The following SGCZ variants were observed in gnomAD, a reference collection of about 807,000 sequenced individuals.
The protein encoded by SGCZ is sarcoglycan zeta, also known as zeta-sarcoglycan.
SGCZ carries 40 observed loss-of-function variants against 41.3 expected under a neutral mutation model. That is an observed-to-expected ratio of 0.97 (90% CI 0.75 to 1.26). The LOEUF is 1.26. Among genes scored for constraint, SGCZ ranks in the 50% most tolerant of loss-of-function variants. The pLI is 0.00. For synonymous variants in SGCZ, 206 were observed against 137.5 expected, an observed-to-expected ratio of 1.50 and a Z score of -3.49; for missense variants, 552 against 369.8, an observed-to-expected ratio of 1.49 and a Z score of -4.04.
chr8:14,195,168 A>G (rs934962943), intron 4 of SGCZ, among the ~76,000 whole-genome samples: 2 of 152,100 alleles, frequency 1.3e-5, no homozygotes, highest in Admixed American at 6.6e-5. Flanking sequence ...AAGTGTTCAA[A>G]CATGCATAAA....
intron 1 of SGCZ, among the ~76,000 whole-genome samples, chr8:15,095,933 T>C (rs1255121412): frequency 6.6e-6 from 1 of 152,182 alleles, no homozygotes; most frequent in African/African-American, 2.4e-5. Flanking sequence ...GCAGTTTACT[T>C]TGTCACCTAA....
At chr8:14,142,334 G>A (rs1803397090) in intron 5 of SGCZ, among the ~76,000 whole-genome samples, 1 of 151,918 alleles carries the variant, frequency 6.6e-6, no homozygotes, top group African/African-American at 2.4e-5. Flanking sequence ...TAAAAAAAAA[G>A]AAATATGAAA....
At chr8:15,065,099 C>G (rs1385041866) in intron 1 of SGCZ, among the ~76,000 whole-genome samples, 1 of 152,074 alleles carries the variant, frequency 6.6e-6, no homozygotes, top group Non-Finnish European at 1.5e-5. Context: ...GATAATTTCC[C>G]CTTGGTCTCA....
chr8:14,843,176 C>T (rs964037131), intron 1 of SGCZ, among the ~76,000 whole-genome samples: 4 of 152,066 alleles, frequency 2.6e-5, no homozygotes, highest in African/African-American at 9.7e-5. Context: ...TGCACCACTG[C>T]ACTCCAGCCT....
chr8:14,292,156 G>A (rs1435243089), intron 3 of SGCZ, among the ~76,000 whole-genome samples: 3 of 151,952 alleles, frequency 2.0e-5, no homozygotes, highest in Non-Finnish European at 4.4e-5. Context: ...AACTTATTAA[G>A]TACGAACTAG....
intron 3 of SGCZ, among the ~76,000 whole-genome samples, chr8:14,245,410 G>C (rs1203245589): frequency 6.6e-6 from 1 of 152,166 alleles, no homozygotes; most frequent in Non-Finnish European, 1.5e-5. Flanking sequence ...AGCTGAAACT[G>C]CATCCCTTCC....
At chr8:14,240,878 T>C (rs9657233) in intron 3 of SGCZ, among the ~76,000 whole-genome samples, 151,102 of 152,312 alleles carry the variant, frequency 0.99, 74,965 homozygotes, top group East Asian at 1. Context: ...TTAAAACACA[T>C]GTATGTGATA....
intron 2 of SGCZ, among the ~76,000 whole-genome samples, chr8:14,397,693 T>C (rs901659981): frequency 1.3e-5 from 2 of 152,128 alleles, no homozygotes; most frequent in Non-Finnish European, 2.9e-5. Flanking sequence ...TGATTCAATA[T>C]GAAGGGCAGG....
intron 2 of SGCZ, among the ~76,000 whole-genome samples, chr8:14,392,162 A>T (rs2117220233): frequency 6.6e-6 from 1 of 152,292 alleles, no homozygotes; most frequent in Non-Finnish European, 1.5e-5. Context: ...ATTATCAGTT[A>T]TTTTAATTCA....
intron 1 of SGCZ, among the ~76,000 whole-genome samples, chr8:15,168,464 C>G (rs938490524): frequency 2.6e-5 from 4 of 152,182 alleles, no homozygotes; most frequent in Non-Finnish European, 5.9e-5. Flanking sequence ...CTCTAGCTCC[C>G]CCCACAACCC....
chr8:14,936,471 A>G (rs1400242841), intron 1 of SGCZ, among the ~76,000 whole-genome samples: 1 of 151,912 alleles, frequency 6.6e-6, no homozygotes, highest in Non-Finnish European at 1.5e-5. Context: ...TTAAAAACAG[A>G]ATGGGTGTAT....
At chr8:15,155,852 G>C (rs1445271889) in intron 1 of SGCZ, among the ~76,000 whole-genome samples, 2 of 152,098 alleles carry the variant, frequency 1.3e-5, no homozygotes, top group African/African-American at 4.8e-5. Context: ...GAGCTCAGGA[G>C]CTCGAGATCA....
At chr8:14,624,918 A>G (rs530124604) in intron 1 of SGCZ, among the ~76,000 whole-genome samples, 3 of 152,262 alleles carry the variant, frequency 2.0e-5, no homozygotes, top group Admixed American at 2.0e-4. Context: ...GTGAGGGTAC[A>G]CAAAAGGTAT....
Position 14,139,720 on chromosome 8 carries a change from G to C in SGCZ, c.547+24860C>G, listed in dbSNP as rs890375231. Among the ~76,000 whole-genome samples, 2 of 152,068 alleles carry C rather than the reference G, an allele frequency of 1.3e-5. 1 individual carries two copies. Among genetic ancestry groups the C allele is most frequent in the South Asian group, 4.1e-4 (2 of 4,832 alleles). On this transcript the variant is annotated intron_variant, in intron 5 of 7. Coordinates refer to ENST00000382080, the MANE Select transcript of SGCZ (RefSeq NM_139167.4). Reference sequence around the variant, plus strand: ...AGCCTACCAACCAAAAAAAGTCCAGGACTTCATGGATTCACAGCCAAACAC... The same window carrying C: ...AGCCTACCAACCAAAAAAAGTCCAGCACTTCATGGATTCACAGCCAAACAC...
intron 7 of SGCZ, among the ~76,000 whole-genome samples, chr8:14,096,383 G>A (rs891737845): frequency 4.0e-5 from 6 of 151,748 alleles, no homozygotes; most frequent in Non-Finnish European, 5.9e-5. Flanking sequence ...CAAAAACCAC[G>A]GTTATGTGAT....
At chr8:14,363,305 G>C (rs538051526) in intron 2 of SGCZ, among the ~76,000 whole-genome samples, 3 of 152,096 alleles carry the variant, frequency 2.0e-5, no homozygotes, top group Non-Finnish European at 4.4e-5. Context: ...CCACAGCCTG[G>C]TAATAAGGGG....
At position 14,456,313 on chromosome 8, in the gene SGCZ, C is replaced by A. The variant is rs142674557; in HGVS notation, c.234+98419G>T. On this transcript the variant is annotated intron_variant, in intron 2 of 7. Coordinates refer to ENST00000382080, the MANE Select transcript of SGCZ (RefSeq NM_139167.4). ...ATCCCAGCTACTTGGGGGGCTGAGG[C>A]GGGAGAATCACTTGAACCCGGGAGG... Among the ~76,000 whole-genome samples, 279 of 152,166 alleles carry A rather than the reference C, an allele frequency of 1.8e-3. 9 individuals are homozygous for A. In the East Asian group the frequency reaches 0.038, roughly 21 times the overall value.
chr8:15,140,616 A>T (rs183113602), intron 1 of SGCZ, among the ~76,000 whole-genome samples: 1 of 152,122 alleles, frequency 6.6e-6, no homozygotes, highest in Admixed American at 6.5e-5. Context: ...TACTTTTAAT[A>T]CCTCCTTTTT....
At chr8:15,160,607 C>T (rs536673897) in intron 1 of SGCZ, among the ~76,000 whole-genome samples, 1 of 152,258 alleles carries the variant, frequency 6.6e-6, no homozygotes, top group Non-Finnish European at 1.5e-5. Flanking sequence ...TAGCCCTCTC[C>T]CAATTTTTCT....
Sources: gnomAD v4.1 joint callset for allele counts (sites outside exome capture counted in the v4.1 genomes callset) on GRCh38, gnomAD v4.1.1 for gene constraint, MANE v1.5 for transcripts, NCBI Gene and HGNC (gene_info 2026-07-23, HGNC 2026-07-21) for gene names.